The following EYA4 variants were observed in gnomAD, a reference collection of about 807,000 sequenced individuals.
EYA4 encodes the protein protein phosphatase EYA4.
In EYA4, 31 loss-of-function variants were observed where a neutral mutation model predicts 87.9. The ratio of observed to expected loss-of-function variants is 0.35; its 90% CI spans 0.27 to 0.48. The LOEUF (loss-of-function observed/expected upper bound fraction) is 0.48. Among genes scored for constraint, EYA4 ranks in the 20% least tolerant of loss-of-function variants. The pLI, the probability that EYA4 is intolerant of heterozygous loss-of-function variation, is 0.99. For missense variants in EYA4, 678 were observed against 761.4 expected (o/e 0.89, Z 1.29); for synonymous variants, 263 against 270.6 (o/e 0.97, Z 0.28).
chr6:133,359,538 A>C (rs1158457698), intron 2 of EYA4, among the ~76,000 whole-genome samples: 1 of 152,106 alleles, frequency 6.6e-6, no homozygotes, highest in East Asian at 1.9e-4. Flanking sequence ...AGACATAGAA[A>C]CCAACATGTT....
intron 19 of EYA4, among the ~76,000 whole-genome samples, chr6:133,528,094 C>A (rs1800782547): frequency 6.6e-6 from 1 of 152,158 alleles, no homozygotes; most frequent in Admixed American, 6.6e-5. Context: ...ATATCTTCCC[C>A]ATTGAAAATG....
intron 2 of EYA4, among the ~76,000 whole-genome samples, chr6:133,287,501 T>C (rs1582853509): frequency 6.6e-6 from 1 of 151,496 alleles, no homozygotes; most frequent in Non-Finnish European, 1.5e-5. Context: ...GGGCATGAGG[T>C]TGTGAGGCAG....
At chr6:133,481,020 A>AGAGAGGTGGAAGGGAAGATGG (rs1554265039) in intron 11 of EYA4, among the ~76,000 whole-genome samples, 2 of 143,410 alleles carry the variant, frequency 1.4e-5, no homozygotes, top group Admixed American at 7.0e-5. Context: ...AGGGAAGATG[A>AGAGAGGTGGAAGGGAAGATGG]GAGAGGTGGA....
intron 19 of EYA4, 136 bp from the exon 20 acceptor site, chr6:133,528,589 A>T: frequency 2.6e-6 from 2 of 783,452 alleles, no homozygotes; most frequent in Non-Finnish European, 4.7e-6. Flanking sequence ...CCGCCTTTAA[A>T]CTCTCTCCCC....
At chr6:133,365,249 C>T (rs1258681983) in intron 2 of EYA4, among the ~76,000 whole-genome samples, 4 of 152,128 alleles carry the variant, frequency 2.6e-5, no homozygotes, top group Non-Finnish European at 5.9e-5. Context: ...CCTGTATTCA[C>T]GAAACGGAGG....
At chr6:133,384,972 A>G (rs1358688848) in intron 3 of EYA4, among the ~76,000 whole-genome samples, 1 of 152,084 alleles carries the variant, frequency 6.6e-6, no homozygotes, top group Non-Finnish European at 1.5e-5. Context: ...TTATTTTAAT[A>G]CATACATATA....
At chr6:133,442,776 T>A (rs1792431381) in intron 3 of EYA4, among the ~76,000 whole-genome samples, 1 of 152,146 alleles carries the variant, frequency 6.6e-6, no homozygotes. Flanking sequence ...CCGAATATGA[T>A]ATAAGCTATA....
At chr6:133,269,831 C>T (rs981494569) in intron 1 of EYA4, among the ~76,000 whole-genome samples, 2 of 152,056 alleles carry the variant, frequency 1.3e-5, no homozygotes, top group Non-Finnish European at 2.9e-5. Flanking sequence ...TATTAACTTA[C>T]ACTTATTATT....
At chr6:133,269,028 GCA>G (rs1168537987) in intron 1 of EYA4, among the ~76,000 whole-genome samples, 2 of 152,166 alleles carry the variant, frequency 1.3e-5, no homozygotes, top group African/African-American at 2.4e-5. Flanking sequence ...AGAGGCTGAG[GCA>G]GGCAGATCAC....
intron 3 of EYA4, among the ~76,000 whole-genome samples, chr6:133,422,003 T>C (rs537993780): frequency 1.3e-5 from 2 of 152,206 alleles, no homozygotes; most frequent in Non-Finnish European, 1.5e-5. Flanking sequence ...ATGTGAAAGT[T>C]TTAGTATCAG....
chr6:133,513,181 A>C (rs1799305947), intron 16 of EYA4, 143 bp downstream of exon 16: 4 of 807,028 alleles, frequency 5.0e-6, no homozygotes, highest in Non-Finnish European at 7.9e-6. Flanking sequence ...AGTTTCTTAG[A>C]ATTGGTGGGA....
At chr6:133,386,486 A>T (rs1786760734) in intron 3 of EYA4, among the ~76,000 whole-genome samples, 1 of 152,178 alleles carries the variant, frequency 6.6e-6, no homozygotes, top group Non-Finnish European at 1.5e-5. Flanking sequence ...GTGTTAAAGT[A>T]GTCCCTATAA....
intron 13 of EYA4, among the ~76,000 whole-genome samples, chr6:133,493,497 A>G (rs909461000): frequency 2.0e-5 from 3 of 152,206 alleles, no homozygotes; most frequent in Non-Finnish European, 2.9e-5. Context: ...AACTACTACA[A>G]TAAAACATTG....
chr6:133,369,845 A>G (rs1785133169), intron 2 of EYA4, among the ~76,000 whole-genome samples: 1 of 152,234 alleles, frequency 6.6e-6, no homozygotes, highest in Non-Finnish European at 1.5e-5. Context: ...GCAGGTTGCT[A>G]GAGTCTAGGA....
intron 2 of EYA4, among the ~76,000 whole-genome samples, chr6:133,361,771 T>C (rs1010627313): frequency 1.3e-5 from 2 of 152,214 alleles, no homozygotes; most frequent in Non-Finnish European, 2.9e-5. Context: ...ACCCTCCATT[T>C]TATTATCTGT....
intron 2 of EYA4, among the ~76,000 whole-genome samples, chr6:133,294,023 TTATATATATA>T (rs71771244): frequency 0.034 from 2,672 of 78,738 alleles, 215 homozygotes; most frequent in African/African-American, 0.11. Flanking sequence ...TAGGGTGATT[TTATATATATA>T]TATATATATA....
chr6:133,285,142 A>T (rs58070340), intron 2 of EYA4, among the ~76,000 whole-genome samples: 1 of 150,298 alleles, frequency 6.7e-6, no homozygotes, highest in Admixed American at 7.0e-5. Flanking sequence ...GACTACAGGC[A>T]CCCGCCACCA....
intron 2 of EYA4, among the ~76,000 whole-genome samples, chr6:133,332,854 G>A (rs565599151): frequency 1.6e-4 from 25 of 151,712 alleles, no homozygotes; most frequent in African/African-American, 5.8e-4. Context: ...GAACCACCGC[G>A]CCCAGCCTGA....
chr6:133,335,710 G>A (rs561051650), intron 2 of EYA4, among the ~76,000 whole-genome samples: 22 of 152,254 alleles, frequency 1.4e-4, no homozygotes, highest in Admixed American at 8.5e-4. Flanking sequence ...ACTCTGTAGC[G>A]GGAGGGAGCA....
Sources: gnomAD v4.1 joint callset for allele counts (sites outside exome capture counted in the v4.1 genomes callset) on GRCh38, gnomAD v4.1.1 for gene constraint, MANE v1.5 for transcripts, NCBI Gene and HGNC (gene_info 2026-07-23, HGNC 2026-07-21) for gene names.